Variants in DLGAP3 observed in about 807,000 individuals in gnomAD.
The protein encoded by DLGAP3 is disks large-associated protein 3.
In DLGAP3, 17 loss-of-function variants were observed where a neutral mutation model predicts 81.2. The ratio of observed to expected loss-of-function variants is 0.21; its 90% confidence interval spans 0.14 to 0.31. DLGAP3 has a LOEUF of 0.31. DLGAP3 is among the 10% of genes least tolerant of loss of function. The pLI is 1.00. For missense variants in DLGAP3, 1,124 were observed against 1,388.0 expected (o/e 0.81, Z 3.02); for synonymous variants, 577 against 587.4 (o/e 0.98, Z 0.26).
At chr1:34,905,992 C>T (rs1485523487) in intron 2 of DLGAP3, among the ~76,000 whole-genome samples, 1 of 53,570 alleles carries the variant, frequency 1.9e-5, no homozygotes, top group African/African-American at 5.4e-5. Flanking sequence ...GCCCAGGCAA[C>T]AGAGCGAGAC....
At chr1:34,880,012 G>A (rs574882771) in intron 8 of DLGAP3, among the ~76,000 whole-genome samples, 3 of 152,150 alleles carry the variant, frequency 2.0e-5, no homozygotes, top group South Asian at 2.1e-4. Flanking sequence ...TTTCAAAGAC[G>A]AATAAAATGT....
In DLGAP3 at chr1:34,868,291, T is replaced by A. The variant is rs1248677883; in HGVS notation, c.2485+314A>T. ...ACACCAGTCCAGATCTGAACGGAGT[T>A]CCCTTAGTCCCCATAAACTTGGTGA... On this transcript the variant is annotated intron_variant, in intron 9 of 11. Coordinates refer to ENST00000373347, the MANE Select transcript of DLGAP3 (RefSeq NM_001080418.3). This position sits in a 1 kb window ranked among gnomAD's most constrained non-coding sequence, Gnocchi z 7.5. Among the ~76,000 whole-genome samples, 1 of 152,132 alleles carries A rather than the reference T, an allele frequency of 6.6e-6. No individual in the cohort carries two copies. The highest frequency in any genetic ancestry group is 2.4e-5 in the African/African-American group (1 of 41,436).
chr1:34,912,840 G>A (rs755741177), intron 1 of DLGAP3, among the ~76,000 whole-genome samples: 24 of 152,172 alleles, frequency 1.6e-4, no homozygotes, highest in Non-Finnish European at 3.2e-4. Context: ...TCATACCCCT[G>A]ATTATTCAAC....
At chr1:34,926,558 G>C (rs1362480379) in intron 1 of DLGAP3, among the ~76,000 whole-genome samples, 2 of 152,174 alleles carry the variant, frequency 1.3e-5, no homozygotes, top group African/African-American at 4.8e-5. Flanking sequence ...TCTACCAAGT[G>C]GGAATGAAAT....
chr1:34,900,253 C>G lies in DLGAP3; in HGVS notation c.1128G>C (p.Gly376=), dbSNP rs1639435868. The part of the protein sequence containing the change: ...HYLQVPQDDW[G]GYPTGGKDGE... ...CATCCTTGCCACCGGTGGGGTAACC[C>G]CCCCAGTCATCTTGCGGCACCTGCA... The change falls in exon 4 of 12, where the codon GGG becomes GGC. Residue 376 remains glycine, a synonymous_variant. Coordinates refer to ENST00000373347, the MANE Select transcript of DLGAP3 (RefSeq NM_001080418.3). The surrounding 1 kb of genome is among the most constrained non-coding windows in gnomAD (Gnocchi z 5.6). 7 of 1,614,028 alleles carry G rather than the reference C, an allele frequency of 4.3e-6. No homozygotes were observed. In the East Asian group the frequency reaches 1.6e-4, roughly 36 times the overall value.
At position 34,905,201 on chromosome 1, in the gene DLGAP3, C is replaced by T. The variant is rs777237381; in HGVS notation, c.183G>A (p.Gly61=). Residue 61 remains glycine (G), a synonymous_variant, in exon 3 of 12, where the codon GGG becomes GGA. Coordinates refer to ENST00000373347, the MANE Select transcript of DLGAP3 (RefSeq NM_001080418.3). ...ACGGCCCCTCACTCAGGCTCAGGGG[C>T]CCTTCAGGAGAAATGTGTCCCAGGC... ...RAGLGHISPE[G]PLSLSEGPSV... 8.9e-5 allele frequency: 141 copies of T among 1,590,796 alleles called. No individual in the cohort carries two copies. The highest frequency in any genetic ancestry group is 1.7e-4 in the Middle Eastern group (1 of 5,820).
chr1:34,882,016 A>C (rs1639153510), intron 8 of DLGAP3, among the ~76,000 whole-genome samples: 1 of 152,238 alleles, frequency 6.6e-6, no homozygotes, highest in Non-Finnish European at 1.5e-5. Flanking sequence ...ATTACAAGAA[A>C]AATAAATGAA....
rs1243759301 is a variant in DLGAP3, at chr1:34,865,924, TA to T, written c.*158del. The T allele has an allele frequency of 2.7e-6, 2 of 729,502 alleles. No homozygotes were observed. The highest frequency in any genetic ancestry group is 4.7e-6 in the Non-Finnish European group (2 of 426,288). 45.2% of individuals were successfully genotyped at this position (729,502 alleles called of 1,614,324 possible). On this transcript the variant is annotated 3_prime_UTR_variant, in exon 12 of 12. Transcript: ENST00000373347. ...GCGCCTTCGCGTGGGATCAGGAAGG[TA>T]AAAAACCCACGAGAGTGTGACGGGC...
chr1:34,929,319 T>C lies in DLGAP3; in HGVS notation c.-135+132A>G, dbSNP rs1456000868. On this transcript the variant is annotated intron_variant, in intron 1 of 11. Coordinates refer to ENST00000373347, the MANE Select transcript of DLGAP3 (RefSeq NM_001080418.3). The surrounding 1 kb of genome is among the most constrained non-coding windows in gnomAD (Gnocchi z 6.5). ...CTGAGGAGGCCCAGCCCCTCCCCCC[T>C]CCCGGGGCCGGGAGCCGAGCGCCGG... is the stretch of plus-strand genomic sequence containing the variant. The C allele has an allele frequency of 6.7e-6, 1 of 148,586 alleles. No individual in the cohort carries two copies. Among genetic ancestry groups the C allele is most frequent in the Non-Finnish European group, 1.5e-5 (1 of 66,804 alleles). The allele number at this position is 148,586 out of a possible 1,614,324, so 9.2% of individuals were successfully genotyped here.
chr1:34,926,822 C>A (rs1366197422), intron 1 of DLGAP3, among the ~76,000 whole-genome samples: 1 of 152,156 alleles, frequency 6.6e-6, no homozygotes, highest in East Asian at 1.9e-4. Flanking sequence ...TAACTACAGA[C>A]CCTTCCTAAA....
chr1:34,887,616 T>A (rs1443998540), intron 5 of DLGAP3, among the ~76,000 whole-genome samples: 2 of 152,058 alleles, frequency 1.3e-5, no homozygotes, highest in African/African-American at 4.8e-5. Context: ...GGTGACAAAG[T>A]CCTGAACATT....
intron 8 of DLGAP3, among the ~76,000 whole-genome samples, chr1:34,881,415 G>C (rs1484492995): frequency 2.0e-5 from 3 of 152,194 alleles, no homozygotes; most frequent in Non-Finnish European, 4.4e-5. Context: ...AACTGGTTGT[G>C]TGTAACTTGC....
chr1:34,919,600 G>A (rs2148419945), intron 1 of DLGAP3, among the ~76,000 whole-genome samples: 1 of 152,244 alleles, frequency 6.6e-6, no homozygotes, highest in African/African-American at 2.4e-5. Flanking sequence ...CCAACATGGT[G>A]AAATCCCCAT....
chr1:34,873,295 G>A lies in DLGAP3; in HGVS notation c.2001-4206C>T, dbSNP rs1038782339. ...TTGACCCCAATCATCACAATGAAGT[G>A]GGCGATGGGGGGTGGTTATCTGCTG... On this transcript the variant is annotated intron_variant, in intron 8 of 11. Transcript: ENST00000373347. This position sits in a 1 kb window ranked among gnomAD's most constrained non-coding sequence, Gnocchi z 4.2. Among the ~76,000 whole-genome samples the A allele has an allele frequency of 6.6e-6, 1 of 152,190 alleles. No homozygotes were observed. The highest frequency in any genetic ancestry group is 2.4e-5 in the African/African-American group (1 of 41,446).
chr1:34,866,256 C>T lies in DLGAP3; in HGVS notation c.2767G>A (p.Gly923Ser). The T allele has an allele frequency of 3.8e-6, 6 of 1,558,676 alleles. No homozygotes were observed. The highest frequency in any genetic ancestry group is 3.5e-6 in the Non-Finnish European group (4 of 1,154,270). ...PPPIPKKPLR[G>S]RGVPVKERSL... is the part of the protein sequence containing the mutation. The stretch of plus-strand genomic sequence containing the variant: ...CGCTCCTTCACCGGCACGCCCCGGC[C>T]CCGCAGGGGCTTCTTTGGTATCGGC... The change falls in exon 12 of 12, where the codon GGC (glycine) becomes AGC (serine). Residue 923 changes from glycine to serine, a missense_variant. This residue lies in a region of DLGAP3 where 133 missense variants were observed against 171.1 expected (regional missense o/e 0.78). Transcript: ENST00000373347.
chr1:34,916,269 C>T (rs952099600), intron 1 of DLGAP3, among the ~76,000 whole-genome samples: 1 of 152,178 alleles, frequency 6.6e-6, no homozygotes, highest in African/African-American at 2.4e-5. Context: ...AGTGTCCCGT[C>T]CAGGGAGGCA....
At chr1:34,926,284 T>C (rs1401698976) in intron 1 of DLGAP3, among the ~76,000 whole-genome samples, 1 of 152,180 alleles carries the variant, frequency 6.6e-6, no homozygotes, top group East Asian at 1.9e-4. Context: ...GAAGAAGGGC[T>C]GGTAGGAAGA....
intron 8 of DLGAP3, among the ~76,000 whole-genome samples, chr1:34,883,274 G>A (rs767388315): frequency 2.6e-5 from 4 of 152,216 alleles, no homozygotes; most frequent in Non-Finnish European, 5.9e-5. Context: ...TACAACACGT[G>A]CTTAGTAAGT....
At chr1:34,874,283 AAG>A (rs1189608919) in intron 8 of DLGAP3, among the ~76,000 whole-genome samples, 3 of 152,324 alleles carry the variant, frequency 2.0e-5, no homozygotes, top group African/African-American at 7.2e-5. Context: ...TCCTCTAAGT[AAG>A]AGAGAAATAA....
Sources: gnomAD v4.1 joint callset for allele counts (sites outside exome capture counted in the v4.1 genomes callset) on GRCh38, gnomAD v4.1.1 for gene constraint, gnomAD v4.1.1 regional missense constraint, Gnocchi (gnomAD v3.1) non-coding constraint, MANE v1.5 for transcripts, NCBI Gene and HGNC (gene_info 2026-07-23, HGNC 2026-07-21) for gene names.